Variants in PPIL4 observed in about 807,000 individuals in gnomAD.
The protein encoded by PPIL4 is peptidylprolyl isomerase like 4.
In PPIL4, 50 loss-of-function variants were observed where a neutral mutation model predicts 69.1. The observed-to-expected ratio is 0.72, with a 90% CI of 0.58 to 0.92. The LOEUF is 0.92. PPIL4 is among the 40% of genes least tolerant of loss of function. The pLI, the probability that PPIL4 is intolerant of heterozygous loss-of-function variation, is 0.00. For synonymous variants in PPIL4, 193 were observed against 191.6 expected (o/e 1.01, Z -0.06); for missense variants, 480 against 587.9 (o/e 0.82, Z 1.90).
Position 149,517,438 on chromosome 6 carries a change from G to A in PPIL4, c.995C>T (p.Thr332Ile), listed in dbSNP as rs1776964850. 3.2e-6 allele frequency: 5 copies of A among 1,562,760 alleles called. No homozygotes were observed. In the South Asian group the frequency reaches 3.5e-5, roughly 11 times the overall value. Residue 332 changes from threonine (T) to isoleucine (I), a missense_variant, in exon 11 of 13, where the codon ACC becomes ATC. Thr to Ile is a moderately conservative substitution (Grantham distance 89). Transcript: ENST00000253329. ...VKWKGKGGKY[T>I]KSDFKEYEKE... ...TTCATACTCCTTGAAATCACTCTTG[G>A]TGTATTTCCCACCTATTTATTAAGA...
At chr6:149,528,833 C>A (rs2115035166) in intron 7 of PPIL4, among the ~76,000 whole-genome samples, 1 of 152,342 alleles carries the variant, frequency 6.6e-6, no homozygotes, top group African/African-American at 2.4e-5. Context: ...GCTTTAATCA[C>A]AACTGCCAAA....
intron 4 of PPIL4, among the ~76,000 whole-genome samples, chr6:149,538,156 C>G (rs1188704063): frequency 6.6e-6 from 1 of 152,042 alleles, no homozygotes. Flanking sequence ...ATCCCAGCTA[C>G]TCAGAAGGCT....
At position 149,505,271 on chromosome 6, in the gene PPIL4, A is replaced by G. The variant is rs1776751030; in HGVS notation, c.*182T>C. 2.0e-6 allele frequency: 1 copy of G among 502,250 alleles called. No homozygotes were observed. The highest frequency in any genetic ancestry group is 3.4e-6 in the Non-Finnish European group (1 of 293,452). The allele number at this position is 502,250 out of a possible 1,614,324, so 31.1% of individuals were successfully genotyped here. A position where few individuals can be genotyped will look rare whatever the true frequency, so the allele number is the denominator to read the frequency against. ...ATAAAATTAGTGTAAAAAAGTATAC[A>G]AAGAAAATGTTCAATTCTTTATCTT... On this transcript the variant is annotated 3_prime_UTR_variant, in exon 13 of 13. Transcript: ENST00000253329.
Position 149,517,201 on chromosome 6 carries a change from A to T in PPIL4, c.1079+153T>A, listed in dbSNP as rs906360371. On this transcript the variant is annotated intron_variant, in intron 11 of 12. Coordinates refer to ENST00000253329, the MANE Select transcript of PPIL4 (RefSeq NM_139126.4). The stretch of plus-strand genomic sequence containing the variant: ...AGTATATGTAAGATCTTGAAAAGAG[A>T]TAATGATAAACTAAGTTACTTCCTC... 2.9e-5 allele frequency: 17 copies of T among 596,010 alleles called. No individual in the cohort carries two copies. In the African/African-American group the frequency reaches 3.1e-4, roughly 11 times the overall value. The allele number at this position is 596,010 out of a possible 1,614,324, so 36.9% of individuals were successfully genotyped here. A position where few individuals can be genotyped will look rare whatever the true frequency, so the allele number is the denominator to read the frequency against.
chr6:149,541,180 C>CA, intron 3 of PPIL4, 121 bp from the exon 4 acceptor site: 1 of 474,442 alleles, frequency 2.1e-6, no homozygotes, highest in South Asian at 5.7e-5. Flanking sequence ...CAAAATATTA[C>CA]TTTTTTTTTT....
chr6:149,531,651 T>A (rs1358223788), intron 7 of PPIL4, among the ~76,000 whole-genome samples: 5 of 152,010 alleles, frequency 3.3e-5, no homozygotes, highest in Non-Finnish European at 7.4e-5. Context: ...ACTGGCAAAA[T>A]TGGAATATAA....
chr6:149,543,110 C>G (rs1191886899), intron 1 of PPIL4, among the ~76,000 whole-genome samples: 1 of 152,140 alleles, frequency 6.6e-6, no homozygotes, highest in Non-Finnish European at 1.5e-5. Context: ...AATTTATAAG[C>G]GCAACAAGGC....
At chr6:149,510,875 CAAT>C (rs1459920223) in intron 12 of PPIL4, among the ~76,000 whole-genome samples, 6 of 150,986 alleles carry the variant, frequency 4.0e-5, no homozygotes, top group South Asian at 2.1e-4. Context: ...AAAGTAGTAA[CAAT>C]AATAACCAGT....
At chr6:149,508,253 T>C (rs1389054531) in intron 12 of PPIL4, among the ~76,000 whole-genome samples, 2 of 152,192 alleles carry the variant, frequency 1.3e-5, no homozygotes, top group Non-Finnish European at 1.5e-5. Flanking sequence ...AATGTTAAAA[T>C]TCTAGCTCTC....
At chr6:149,514,071 T>C (rs1270608590) in intron 11 of PPIL4, among the ~76,000 whole-genome samples, 2 of 152,174 alleles carry the variant, frequency 1.3e-5, no homozygotes, top group Admixed American at 6.5e-5. Context: ...CTCAACACTT[T>C]CCACAGGAAT....
chr6:149,545,343 A>T (rs2115043057), intron 1 of PPIL4, among the ~76,000 whole-genome samples: 1 of 152,256 alleles, frequency 6.6e-6, no homozygotes, highest in South Asian at 2.1e-4. Flanking sequence ...CTTCTACCAT[A>T]ACACATAGAA....
intron 1 of PPIL4, among the ~76,000 whole-genome samples, chr6:149,545,072 A>G (rs931323197): frequency 1.3e-5 from 2 of 152,176 alleles, no homozygotes; most frequent in Admixed American, 1.3e-4. Context: ...ACACAAGACT[A>G]TTCACGACTG....
intron 11 of PPIL4, among the ~76,000 whole-genome samples, chr6:149,513,920 G>A (rs1334412414): frequency 1.3e-5 from 2 of 152,166 alleles, no homozygotes; most frequent in Admixed American, 6.5e-5. Flanking sequence ...AGACTGACAT[G>A]GGCTGGAATG....
At chr6:149,511,390 T>C (rs1776838928) in intron 12 of PPIL4, among the ~76,000 whole-genome samples, 2 of 151,234 alleles carry the variant, frequency 1.3e-5, no homozygotes, top group South Asian at 4.2e-4. Flanking sequence ...CCACCATGCC[T>C]GGCCAATTGT....
intron 4 of PPIL4, among the ~76,000 whole-genome samples, chr6:149,540,387 C>A (rs1324453359): frequency 6.6e-6 from 1 of 152,180 alleles, no homozygotes; most frequent in Non-Finnish European, 1.5e-5. Flanking sequence ...GAGGCCAAGG[C>A]AGGCGGATCA....
chr6:149,506,825 G>C (rs1277223054), intron 12 of PPIL4, among the ~76,000 whole-genome samples: 4 of 152,046 alleles, frequency 2.6e-5, no homozygotes, highest in Non-Finnish European at 4.4e-5. Flanking sequence ...CAAACTCCTG[G>C]GTTCAAGTGA....
At chr6:149,523,159 T>C (rs1417603068) in intron 9 of PPIL4, among the ~76,000 whole-genome samples, 8 of 151,996 alleles carry the variant, frequency 5.3e-5, no homozygotes, top group Admixed American at 1.3e-4. Context: ...AATTTGTTTA[T>C]AAAAAGACAC....
intron 12 of PPIL4, among the ~76,000 whole-genome samples, chr6:149,507,065 C>A (rs1183933739): frequency 6.6e-6 from 1 of 152,150 alleles, no homozygotes; most frequent in African/African-American, 2.4e-5. Context: ...CTTAAGACTG[C>A]CCAAAGGAAA....
In PPIL4 at chr6:149,545,462, C is replaced by G. The variant is rs571068633; in HGVS notation, c.70+474G>C. Among the ~76,000 whole-genome samples the G allele has an allele frequency of 5.9e-5, 9 of 152,306 alleles. No homozygotes were observed. In the South Asian group the frequency reaches 1.9e-3, roughly 32 times the overall value. On this transcript the variant is annotated intron_variant, in intron 1 of 12. Transcript: ENST00000253329. ...CAGTGCCTCGAAGGCTCAGTCCACA[C>G]TCCAGACAACCTCTTCCTCCTCCAC...
Sources: allele counts gnomAD v4.1 joint callset (sites outside exome capture counted in the v4.1 genomes callset), GRCh38; gene constraint gnomAD v4.1.1; transcripts MANE v1.5; gene names NCBI Gene and HGNC (gene_info 2026-07-23, HGNC 2026-07-21).